The following LDB2 variants were observed in gnomAD, a reference collection of about 807,000 sequenced individuals.
The protein encoded by LDB2 is LIM domain-binding protein 2.
LDB2 carries 12 observed loss-of-function variants against 44.3 expected under a neutral mutation model. The observed-to-expected ratio is 0.27, with a 90% CI of 0.17 to 0.44. LDB2 has a LOEUF of 0.44. Ranked by LOEUF, LDB2 falls within the 20% of genes least tolerant of loss-of-function variation. The pLI, the probability that LDB2 is intolerant of heterozygous loss-of-function variation, is 1.00. For missense variants in LDB2, 344 were observed against 473.5 expected, an observed-to-expected ratio of 0.73 and a Z score of 2.54; for synonymous variants, 164 against 174.8, an observed-to-expected ratio of 0.94 and a Z score of 0.49.
At chr4:16,587,809 C>A (rs1717546524) in intron 4 of LDB2, among the ~76,000 whole-genome samples, 1 of 152,116 alleles carries the variant, frequency 6.6e-6, no homozygotes, top group Admixed American at 6.5e-5. Context: ...ACATCAGTTT[C>A]CTTGCTTTTA....
rs141823007 is a variant in LDB2 at position 16,514,467 on chromosome 4, C to T, written c.616-2363G>A. 3.7e-3 allele frequency among the ~76,000 whole-genome samples: 567 copies of T among 152,304 alleles called. 6 individuals carry two copies. The highest frequency in any genetic ancestry group is 3.8e-3 in the Non-Finnish European group (256 of 68,024). On this transcript the variant is annotated intron_variant, in intron 5 of 7. Coordinates refer to ENST00000304523, the MANE Select transcript of LDB2 (RefSeq NM_001290.5). ...CCCCAGTGGTGTCCAGTTCTAAATC[C>T]ATCCTCTTCTCACTTCCACCAACTG...
chr4:16,592,465 CATATATATATATATATATATATAT>C (rs71589671), intron 3 of LDB2, among the ~76,000 whole-genome samples: 24 of 116,606 alleles, frequency 2.1e-4, no homozygotes, highest in Admixed American at 1.9e-3. Flanking sequence ...ATTATACATA[CATATATATATATATATATATATAT>C]ATATATATAT....
chr4:16,674,347 T>C (rs957564460), intron 2 of LDB2: 16 of 1,097,222 alleles, frequency 1.5e-5, no homozygotes, highest in Non-Finnish European at 2.0e-5. Context: ...TCTTTGTCTC[T>C]GAGATGCAAA....
intron 1 of LDB2, among the ~76,000 whole-genome samples, chr4:16,889,619 G>A (rs1722770500): frequency 6.6e-6 from 1 of 152,164 alleles, no homozygotes; most frequent in Non-Finnish European, 1.5e-5. Context: ...TTTAGCGTCA[G>A]GATGGCCAGT....
intron 5 of LDB2, among the ~76,000 whole-genome samples, chr4:16,557,411 C>T (rs1394744096): frequency 2.0e-5 from 3 of 152,322 alleles, no homozygotes; most frequent in East Asian, 1.9e-4. Context: ...GATTATATCC[C>T]GCACCTGGCT....
At chr4:16,660,118 T>G (rs960991723) in intron 2 of LDB2, among the ~76,000 whole-genome samples, 1 of 152,094 alleles carries the variant, frequency 6.6e-6, no homozygotes, top group African/African-American at 2.4e-5. Flanking sequence ...AGAGAAAGAA[T>G]GACATAGAGA....
intron 1 of LDB2, among the ~76,000 whole-genome samples, chr4:16,793,632 A>T (rs1421712398): frequency 6.6e-6 from 1 of 152,230 alleles, no homozygotes; most frequent in Non-Finnish European, 1.5e-5. Context: ...AATAAATCTA[A>T]ATCTGTCATG....
chr4:16,831,994 A>T (rs1410055650), intron 1 of LDB2, among the ~76,000 whole-genome samples: 1 of 152,196 alleles, frequency 6.6e-6, no homozygotes, highest in East Asian at 1.9e-4. Flanking sequence ...GTACCTGCTG[A>T]TCCTGGTGCA....
chr4:16,508,588 C>T lies in LDB2; in HGVS notation c.838G>A (p.Gly280Ser), dbSNP rs776377705. 46 of 1,613,158 alleles carry T rather than the reference C, an allele frequency of 2.9e-5. No individual in the cohort carries two copies. The highest frequency in any genetic ancestry group is 3.9e-5 in the Non-Finnish European group (46 of 1,179,552). ...SSAGNNANSTGSKKKTTAANL... is the reference protein window; with the variant it reads ...SSAGNNANSTSSKKKTTAANL... ...GCAGCTGTGGTCTTCTTCTTGCTGCCAGTGCTGTTTGCATTGTTCCCAGCG... is the reference window on the plus strand; with the variant it reads ...GCAGCTGTGGTCTTCTTCTTGCTGCTAGTGCTGTTTGCATTGTTCCCAGCG... The change falls in exon 7 of 8, where the codon GGC becomes AGC. Residue 280 changes from glycine to serine, a missense_variant. Gly to Ser is a moderately conservative substitution (Grantham distance 56, BLOSUM62 0). This residue lies in a region of LDB2 where 86 missense variants were observed against 171.2 expected (regional missense o/e 0.50). Coordinates refer to ENST00000304523, the MANE Select transcript of LDB2 (RefSeq NM_001290.5).
intron 5 of LDB2, among the ~76,000 whole-genome samples, chr4:16,567,724 C>T (rs945917174): frequency 6.6e-6 from 1 of 152,072 alleles, no homozygotes; most frequent in African/African-American, 2.4e-5. Flanking sequence ...GAGCCGAGAT[C>T]GTGCCACTGC....
chr4:16,854,555 GTATTGTT>G (rs1788946005), intron 1 of LDB2, among the ~76,000 whole-genome samples: 1 of 149,448 alleles, frequency 6.7e-6, no homozygotes, highest in Non-Finnish European at 1.5e-5. Context: ...TATATACTAT[GTATTGTT>G]TATTGTTAAA....
At chr4:16,674,302 C>G (rs1268536497) in intron 2 of LDB2, 2 of 1,282,780 alleles carry the variant, frequency 1.6e-6, no homozygotes, top group African/African-American at 3.0e-5. Context: ...CCTCTGGCAT[C>G]TGCCGCTGAA....
At chr4:16,808,499 G>C (rs1579855851) in intron 1 of LDB2, among the ~76,000 whole-genome samples, 1 of 152,142 alleles carries the variant, frequency 6.6e-6, no homozygotes, top group East Asian at 1.9e-4. Context: ...ATTTTTTAAA[G>C]AGAAAACATG....
chr4:16,545,253 C>T (rs1252425887), intron 5 of LDB2, among the ~76,000 whole-genome samples: 3 of 151,614 alleles, frequency 2.0e-5, no homozygotes, highest in African/African-American at 7.3e-5. Flanking sequence ...TTCAGTTTCC[C>T]GTTAGTCTGA....
chr4:16,557,817 C>T (rs568284673), intron 5 of LDB2, among the ~76,000 whole-genome samples: 110 of 152,320 alleles, frequency 7.2e-4, no homozygotes, highest in African/African-American at 2.0e-3. Flanking sequence ...AGGCACCCCC[C>T]AGTAGGGGCA....
In LDB2 at chr4:16,719,629, C is replaced by T. The variant is rs569790288; in HGVS notation, c.235+39529G>A. Among the ~76,000 whole-genome samples the T allele has an allele frequency of 5.3e-5, 8 of 152,064 alleles. No homozygotes were observed. In the East Asian group the frequency reaches 7.7e-4, roughly 15 times the overall value. On this transcript the variant is annotated intron_variant, in intron 2 of 7. Coordinates refer to ENST00000304523, the MANE Select transcript of LDB2 (RefSeq NM_001290.5). ...AAGTAATATGGTTGAAATATGTCCC[C>T]GAAAGTTCATGTGTTGGAAATTTAA...
intron 1 of LDB2, among the ~76,000 whole-genome samples, chr4:16,853,431 G>T (rs184440192): frequency 8.9e-4 from 135 of 152,270 alleles, no homozygotes; most frequent in Non-Finnish European, 1.6e-3. Context: ...ACCATTATGA[G>T]ATACCACCTC....
chr4:16,596,681 G>A (rs1721017620), intron 2 of LDB2, among the ~76,000 whole-genome samples: 1 of 152,016 alleles, frequency 6.6e-6, no homozygotes, highest in Admixed American at 6.5e-5. Context: ...AGAATAAAAG[G>A]CTAATTTTAA....
At chr4:16,563,485 G>T (rs1341876373) in intron 5 of LDB2, among the ~76,000 whole-genome samples, 45 of 107,280 alleles carry the variant, frequency 4.2e-4, no homozygotes, top group Non-Finnish European at 6.3e-4. Context: ...GTCTCGCTCT[G>T]TCACCCAGGC....
Sources: gnomAD v4.1 joint callset for allele counts (sites outside exome capture counted in the v4.1 genomes callset) on GRCh38, gnomAD v4.1.1 for gene constraint, gnomAD v4.1.1 regional missense constraint, MANE v1.5 for transcripts, NCBI Gene and HGNC (gene_info 2026-07-23, HGNC 2026-07-21) for gene names.